Variants in SRPK2 observed in about 807,000 individuals in gnomAD.
The protein encoded by SRPK2 is SFRS protein kinase 2.
SRPK2 carries 21 observed loss-of-function variants against 90.8 expected under a neutral mutation model. The ratio of observed to expected loss-of-function variants is 0.23; its 90% confidence interval spans 0.16 to 0.33. The LOEUF (loss-of-function observed/expected upper bound fraction) is 0.33, where lower values mean the gene tolerates loss of function less well. Among genes scored for constraint, SRPK2 ranks in the 10% least tolerant of loss-of-function variants. The pLI is 1.00. For missense variants in SRPK2, 620 were observed against 869.0 expected, an observed-to-expected ratio of 0.71 and a Z score of 3.60; for synonymous variants, 288 against 311.1, an observed-to-expected ratio of 0.93 and a Z score of 0.78.
intron 2 of SRPK2, among the ~76,000 whole-genome samples, chr7:105,211,226 T>C (rs753671583): frequency 8.5e-5 from 13 of 152,076 alleles, no homozygotes; most frequent in Admixed American, 1.3e-4. Context: ...TATCAGACTT[T>C]GGCCTCAAAA....
chr7:105,189,786 C>T (rs2129604000), intron 3 of SRPK2: 1 of 152,802 alleles, frequency 6.5e-6, no homozygotes, highest in South Asian at 2.0e-4. Context: ...AAAGAAGAAT[C>T]TGAGGAGTGT....
At chr7:105,384,764 C>T (rs1167668990) in intron 2 of SRPK2, among the ~76,000 whole-genome samples, 1 of 152,144 alleles carries the variant, frequency 6.6e-6, no homozygotes, top group East Asian at 1.9e-4. Flanking sequence ...TCTTTTACCA[C>T]TTCTCAGGTG....
At chr7:105,124,450 G>A (rs1388836316) in intron 15 of SRPK2, among the ~76,000 whole-genome samples, 1 of 151,996 alleles carries the variant, frequency 6.6e-6, no homozygotes, top group Admixed American at 6.6e-5. Flanking sequence ...AGACCAGCCT[G>A]GCCAACATGG....
At chr7:105,297,736 A>G (rs1810009252) in intron 2 of SRPK2, among the ~76,000 whole-genome samples, 1 of 125,864 alleles carries the variant, frequency 7.9e-6, no homozygotes, top group African/African-American at 3.1e-5. Context: ...TTAAGCTGTA[A>G]ATTTTTTTTT....
intron 2 of SRPK2, among the ~76,000 whole-genome samples, chr7:105,247,561 C>CACACACAG (rs1554478329): frequency 6.7e-6 from 1 of 149,356 alleles, no homozygotes; most frequent in African/African-American, 2.5e-5. Context: ...CACACACACA[C>CACACACAG]AGAAGTTATA....
At chr7:105,134,863 G>A (rs1324514849) in intron 11 of SRPK2, among the ~76,000 whole-genome samples, 1 of 152,200 alleles carries the variant, frequency 6.6e-6, no homozygotes, top group Non-Finnish European at 1.5e-5. Flanking sequence ...GATATTCCCT[G>A]CTTGCTACCT....
intron 1 of SRPK2, among the ~76,000 whole-genome samples, chr7:105,396,465 A>G (rs1321104362): frequency 3.3e-5 from 5 of 151,752 alleles, no homozygotes; most frequent in African/African-American, 4.8e-5. Context: ...GCGAAATCTC[A>G]TATCTACTAT....
chr7:105,261,527 C>CA lies in SRPK2; in HGVS notation c.72-57743dup, dbSNP rs557687150. ...CAGAGCAAGACTCGAGACTCCATCTCAAAAAAAAAAAGAAAGAAAAAAGAA... is the reference window on the plus strand; with the variant it reads ...CAGAGCAAGACTCGAGACTCCATCTCAAAAAAAAAAAAGAAAGAAAAAAGAA... On this transcript the variant is annotated intron_variant, in intron 2 of 15. Transcript: ENST00000393651. Among the ~76,000 whole-genome samples, 269 of 134,526 alleles carry CA rather than the reference C, an allele frequency of 2.0e-3. 1 individual carries two copies. The highest frequency in any genetic ancestry group is 3.1e-3 in the Non-Finnish European group (190 of 62,148). The allele number at this position is 134,526 out of a possible 152,430, so 88.3% of individuals were successfully genotyped here.
chr7:105,153,598 A>G (rs186653256), intron 7 of SRPK2, among the ~76,000 whole-genome samples: 21 of 152,244 alleles, frequency 1.4e-4, no homozygotes, highest in African/African-American at 4.8e-4. Flanking sequence ...GCTTCCCCCA[A>G]AATTCTGAAC....
intron 1 of SRPK2, among the ~76,000 whole-genome samples, chr7:105,394,507 G>A (rs1033038220): frequency 9.8e-5 from 15 of 152,290 alleles, no homozygotes; most frequent in African/African-American, 3.4e-4. Flanking sequence ...ATTTCTGCAC[G>A]ACCTTTGGCA....
chr7:105,155,849 A>G (rs982280233), intron 7 of SRPK2, among the ~76,000 whole-genome samples: 1 of 152,242 alleles, frequency 6.6e-6, no homozygotes, highest in Non-Finnish European at 1.5e-5. Context: ...TTAGGGGTCA[A>G]GATGATTACC....
At chr7:105,126,015 C>A in intron 15 of SRPK2, 2 of 653,224 alleles carry the variant, frequency 3.1e-6, no homozygotes, top group Non-Finnish European at 5.2e-6. Context: ...CCTCGCGTTG[C>A]TGGATTCAGG....
chr7:105,365,390 G>A (rs568850230), intron 2 of SRPK2, among the ~76,000 whole-genome samples: 2 of 150,504 alleles, frequency 1.3e-5, no homozygotes, highest in East Asian at 3.9e-4. Flanking sequence ...GGAGGCTGAG[G>A]CAGGAGAATC....
intron 2 of SRPK2, among the ~76,000 whole-genome samples, chr7:105,303,896 A>G (rs975001867): frequency 2.0e-5 from 3 of 152,256 alleles, no homozygotes; most frequent in African/African-American, 7.2e-5. Flanking sequence ...AGTGATAAAG[A>G]GCAGTTACAA....
chr7:105,270,295 G>A (rs946180009), intron 2 of SRPK2, among the ~76,000 whole-genome samples: 3 of 152,154 alleles, frequency 2.0e-5, no homozygotes, highest in Non-Finnish European at 2.9e-5. Context: ...TCACCTTGAG[G>A]ATCAGGCACA....
chr7:105,368,246 A>T (rs542049386), intron 2 of SRPK2, among the ~76,000 whole-genome samples: 1 of 152,238 alleles, frequency 6.6e-6, no homozygotes, highest in African/African-American at 2.4e-5. Flanking sequence ...TTTTAGAAAA[A>T]CTGTTTTCCT....
chr7:105,179,384 A>G (rs1186746903), intron 3 of SRPK2, among the ~76,000 whole-genome samples: 1 of 152,226 alleles, frequency 6.6e-6, no homozygotes, highest in South Asian at 2.1e-4. Context: ...CTAATGACAG[A>G]TTAACAAATG....
At chr7:105,220,971 T>A (rs1009028274) in intron 2 of SRPK2, among the ~76,000 whole-genome samples, 1 of 152,104 alleles carries the variant, frequency 6.6e-6, no homozygotes, top group Non-Finnish European at 1.5e-5. Flanking sequence ...AATGAAAAAA[T>A]AAATTATAAA....
chr7:105,323,846 A>C lies in SRPK2; in HGVS notation c.71+64802T>G, dbSNP rs1007826474. Among the ~76,000 whole-genome samples, 3 of 152,200 alleles carry C rather than the reference A, an allele frequency of 2.0e-5. No homozygotes were observed. The East Asian group carries it at 5.8e-4, about 29-fold the overall frequency. ...TGGACCCAAGCTAACTGGGTGAAAA[A>C]ATTCAGCTAAGGAGGCATTCTTCCA... is the stretch of plus-strand genomic sequence containing the variant. On this transcript the variant is annotated intron_variant, in intron 2 of 15. Transcript: ENST00000393651.
Sources: gnomAD v4.1 joint callset for allele counts (sites outside exome capture counted in the v4.1 genomes callset) on GRCh38, gnomAD v4.1.1 for gene constraint, MANE v1.5 for transcripts, NCBI Gene and HGNC (gene_info 2026-07-23, HGNC 2026-07-21) for gene names.